MATN2: variants seen among roughly 807,000 people sequenced by gnomAD.
MATN2 encodes the protein matrilin-2.
Under a neutral mutation model 103.2 loss-of-function variants are expected in MATN2, and 69 were observed. The observed-to-expected ratio is 0.67, with a 90% CI of 0.55 to 0.82. MATN2 has a LOEUF of 0.82. MATN2 is among the 40% of genes least tolerant of loss of function. The pLI is 0.00. For synonymous variants in MATN2, 429 were observed against 450.2 expected (o/e 0.95, Z 0.60); for missense variants, 1,023 against 1,211.5 (o/e 0.84, Z 2.31).
intron 6 of MATN2, among the ~76,000 whole-genome samples, chr8:97,980,645 A>G (rs1364653888): frequency 7.0e-6 from 1 of 143,560 alleles, no homozygotes; most frequent in African/African-American, 2.6e-5. Context: ...GCTCACTGCA[A>G]CCTCCACCTC....
chr8:97,998,384 T>C (rs1812667301), intron 7 of MATN2, among the ~76,000 whole-genome samples: 1 of 150,874 alleles, frequency 6.6e-6, no homozygotes, highest in Admixed American at 6.6e-5. Context: ...TAGCCGGGCT[T>C]GGTGGCGGGC....
At chr8:97,973,933 C>T (rs776954060) in intron 5 of MATN2, among the ~76,000 whole-genome samples, 3 of 152,124 alleles carry the variant, frequency 2.0e-5, no homozygotes, top group Non-Finnish European at 4.4e-5. Context: ...ACAAGGATTT[C>T]AAGACATCTG....
chr8:97,976,274 AT>A (rs1243612793), intron 5 of MATN2, among the ~76,000 whole-genome samples: 1 of 151,752 alleles, frequency 6.6e-6, no homozygotes, highest in East Asian at 1.9e-4. Context: ...ATGCCCAGCT[AT>A]TTTTTGTATT....
chr8:97,885,010 ACTC>A (rs1223114955), intron 1 of MATN2, among the ~76,000 whole-genome samples: 1 of 152,012 alleles, frequency 6.6e-6, no homozygotes, highest in Admixed American at 6.6e-5. Flanking sequence ...TTTATTTTTA[ACTC>A]CTCACTCTTC....
At chr8:97,951,437 G>A (rs536420172) in intron 4 of MATN2, among the ~76,000 whole-genome samples, 40 of 152,284 alleles carry the variant, frequency 2.6e-4, no homozygotes, top group Non-Finnish European at 5.0e-4. Flanking sequence ...GGTTCTCAAA[G>A]TGTGGTCCCC....
intron 7 of MATN2, among the ~76,000 whole-genome samples, chr8:98,000,596 C>CAAAAAAAAAAAAAAAA (rs67682756): frequency 0.015 from 754 of 49,436 alleles, 38 homozygotes; most frequent in African/African-American, 0.039. Context: ...GACTCCGTCT[C>CAAAAAAAAAAAAAAAA]AAAAAAAAAA....
At chr8:98,008,100 G>A (rs975441746) in intron 10 of MATN2, among the ~76,000 whole-genome samples, 11 of 152,168 alleles carry the variant, frequency 7.2e-5, no homozygotes, top group African/African-American at 2.7e-4. Context: ...TCAGTCCTGG[G>A]AGAAGAGGAT....
chr8:97,986,993 C>G (rs2130332846), intron 6 of MATN2, among the ~76,000 whole-genome samples: 1 of 147,958 alleles, frequency 6.8e-6, no homozygotes, highest in Non-Finnish European at 1.5e-5. Context: ...CCACCACGCC[C>G]AGCTAATTTT....
intron 10 of MATN2, among the ~76,000 whole-genome samples, chr8:98,009,928 A>AAC (rs1304706987): frequency 6.6e-6 from 1 of 152,218 alleles, no homozygotes; most frequent in Non-Finnish European, 1.5e-5. Flanking sequence ...GTCAGAGGCC[A>AAC]ACATGAAATG....
intron 4 of MATN2, among the ~76,000 whole-genome samples, chr8:97,945,717 A>AATATATATATATATAT (rs1554605716): frequency 3.0e-4 from 37 of 121,804 alleles, no homozygotes; most frequent in African/African-American, 1.1e-3. Context: ...AAAAAAAAAA[A>AATATATATATATATAT]ATATATATAT....
At chr8:97,924,726 T>G (rs1312679823) in intron 2 of MATN2, among the ~76,000 whole-genome samples, 2 of 20,208 alleles carry the variant, frequency 9.9e-5, no homozygotes, top group Non-Finnish European at 2.6e-4. Context: ...ATTAAGTGTT[T>G]TTTTTTTTTT....
At chr8:97,973,412 C>T (rs982682734) in intron 5 of MATN2, among the ~76,000 whole-genome samples, 1 of 152,154 alleles carries the variant, frequency 6.6e-6, no homozygotes, top group African/African-American at 2.4e-5. Context: ...TGGAAAACAT[C>T]ATTCAGAGAG....
Position 97,983,123 on chromosome 8 carries a change from G to T in MATN2, c.1081+4115G>T, listed in dbSNP as rs575593716. ...CCACTCTCGGCACTTCATGTAAGTG[G>T]GATTATATGGTATTTGTCCTTTGCC... is the stretch of plus-strand genomic sequence containing the variant. On this transcript the variant is annotated intron_variant, in intron 6 of 18. Coordinates refer to ENST00000254898, the MANE Select transcript of MATN2 (RefSeq NM_002380.5). Among the ~76,000 whole-genome samples the T allele has an allele frequency of 4.6e-5, 7 of 152,122 alleles. No homozygotes were observed. The South Asian group carries it at 1.5e-3, about 32-fold the overall frequency.
chr8:97,932,816 GA>G (rs1810242639), intron 3 of MATN2, among the ~76,000 whole-genome samples: 1 of 152,200 alleles, frequency 6.6e-6, no homozygotes, highest in African/African-American at 2.4e-5. Flanking sequence ...CTTTGGTGGG[GA>G]AATAAAGGGA....
intron 4 of MATN2, among the ~76,000 whole-genome samples, chr8:97,955,782 C>T (rs188763903): frequency 5.9e-5 from 9 of 152,344 alleles, no homozygotes; most frequent in Admixed American, 4.6e-4. Flanking sequence ...GCTTGTGTCA[C>T]ATGAGCATGA....
At chr8:97,968,194 G>A (rs1300822316) in intron 5 of MATN2, among the ~76,000 whole-genome samples, 1 of 152,204 alleles carries the variant, frequency 6.6e-6, no homozygotes, top group Non-Finnish European at 1.5e-5. Flanking sequence ...CCTGGACCTG[G>A]CCCCCCAAAT....
Position 98,003,799 on chromosome 8 carries a change from G to C in MATN2, c.1327+16G>C. On this transcript the variant is annotated intron_variant, in intron 8 of 18. Transcript: ENST00000254898. ...ACCTGCAGCCGTGAGTGTACCCTAG[G>C]GGTGGGGTGCTGATGGAAGGTGGGG... 6.2e-7 allele frequency: 1 copy of C among 1,613,484 alleles called. No homozygotes were observed. Among genetic ancestry groups the C allele is most frequent in the East Asian group, 2.2e-5 (1 of 44,868 alleles).
intron 16 of MATN2, 115 bp downstream of exon 16, chr8:98,032,432 GC>G: frequency 1.3e-6 from 1 of 753,668 alleles, no homozygotes; most frequent in East Asian, 2.8e-5. Flanking sequence ...GATAATGAAG[GC>G]CTTTTTTCCC....
At chr8:97,993,135 T>TATGGTA (rs1217163774) in intron 6 of MATN2, among the ~76,000 whole-genome samples, 3 of 152,168 alleles carry the variant, frequency 2.0e-5, no homozygotes, top group African/African-American at 7.2e-5. Flanking sequence ...ATTGTATATT[T>TATGGTA]TGCTTAACAT....
Sources: gnomAD v4.1 joint callset for allele counts (sites outside exome capture counted in the v4.1 genomes callset) on GRCh38, gnomAD v4.1.1 for gene constraint, MANE v1.5 for transcripts, NCBI Gene and HGNC (gene_info 2026-07-23, HGNC 2026-07-21) for gene names.